TMEM63A: variants seen among roughly 807,000 people sequenced by gnomAD.
The protein encoded by TMEM63A is mechanosensitive cation channel TMEM63A.
A neutral mutation model predicts 100.6 loss-of-function variants in TMEM63A; 76 were observed. That is an observed-to-expected ratio of 0.76 (90% CI 0.63 to 0.91). TMEM63A has a LOEUF of 0.91. TMEM63A is among the 40% of genes least tolerant of loss of function. The pLI, the probability that TMEM63A is intolerant of heterozygous loss-of-function variation, is 0.00. For synonymous variants in TMEM63A, 401 were observed against 401.1 expected, an observed-to-expected ratio of 1.00 and a Z score of 0.00; for missense variants, 876 against 1,008.8, an observed-to-expected ratio of 0.87 and a Z score of 1.78.
In TMEM63A at chr1:225,846,238, G is replaced by C. The variant is rs1258719230; in HGVS notation, c.*701C>G. The C allele has an allele frequency of 6.5e-6, 1 of 152,826 alleles. No homozygotes were observed. Among genetic ancestry groups the C allele is most frequent in the Admixed American group, 6.5e-5 (1 of 15,306 alleles). 9.5% of individuals were successfully genotyped at this position (152,826 alleles called of 1,614,324 possible). A position where few individuals can be genotyped will look rare whatever the true frequency, so the allele number is the denominator to read the frequency against. On this transcript the variant is annotated 3_prime_UTR_variant, in exon 25 of 25. Transcript: ENST00000366835. ...ACGGAGGGGGTGAGTACTGCACAGA[G>C]CCTGCCTGGAGGTGCAGACTCATGC... is the stretch of plus-strand genomic sequence containing the variant.
rs1417910975 is a variant in TMEM63A at position 225,867,160 on chromosome 1, TTGTC to T, written c.515-1_517del. On this transcript the variant is annotated splice_acceptor_variant and coding_sequence_variant, in exon 8 of 25. Coordinates refer to ENST00000366835, the MANE Select transcript of TMEM63A (RefSeq NM_014698.3). LOFTEE classifies it high-confidence loss of function. The surrounding 1 kb of genome is among the most constrained non-coding windows in gnomAD (Gnocchi z 4.6). Reference sequence around the variant, plus strand: ...TGTCCTCCCAAAACTATACGGGTCTTTGTCTGCAGAGAAGCACAGATACTTAGTT... The same window carrying T: ...TGTCCTCCCAAAACTATACGGGTCTTTGCAGAGAAGCACAGATACTTAGTT... 1 of 1,614,124 alleles carries T rather than the reference TTGTC, an allele frequency of 6.2e-7. No individual in the cohort carries two copies. The highest frequency in any genetic ancestry group is 8.5e-7 in the Non-Finnish European group (1 of 1,180,000).
chr1:225,852,457 G>C (rs978595727), intron 20 of TMEM63A, among the ~76,000 whole-genome samples: 1 of 152,192 alleles, frequency 6.6e-6, no homozygotes, highest in Non-Finnish European at 1.5e-5. Flanking sequence ...CTCCAGCCTG[G>C]GCATCAGCAT....
At chr1:225,856,581 T>A (rs992225425) in intron 17 of TMEM63A, 71 bp downstream of exon 17, 3 of 1,518,330 alleles carry the variant, frequency 2.0e-6, no homozygotes, top group Admixed American at 1.9e-5. Context: ...ACCGTTTGCA[T>A]TCTCCTGGGG....
intron 14 of TMEM63A, chr1:225,859,892 C>G (rs1458453186): frequency 1.3e-5 from 2 of 159,412 alleles, no homozygotes; most frequent in African/African-American, 4.8e-5. Flanking sequence ...GGCAATCCGC[C>G]TGCCTCAGCC....
Position 225,865,838 on chromosome 1 carries a change from G to C in TMEM63A, c.746+59C>G. The C allele has an allele frequency of 1.9e-6, 3 of 1,575,672 alleles. No individual in the cohort carries two copies. The highest frequency in any genetic ancestry group is 2.0e-4 in the Middle Eastern group (1 of 5,100). ...CACCTAAGGTGCTCGCCCTGCGGGTGGGGCTGTGTTGGTCCTACGTGGAGG... is the reference window on the plus strand; with the variant it reads ...CACCTAAGGTGCTCGCCCTGCGGGTCGGGCTGTGTTGGTCCTACGTGGAGG... On this transcript the variant is annotated intron_variant, in intron 10 of 24. Transcript: ENST00000366835. The surrounding 1 kb of genome is among the most constrained non-coding windows in gnomAD (Gnocchi z 4.6).
chr1:225,876,904 C>G (rs1471487785), intron 3 of TMEM63A, among the ~76,000 whole-genome samples: 1 of 152,176 alleles, frequency 6.6e-6, no homozygotes, highest in African/African-American at 2.4e-5. Context: ...TCGCCTCAGC[C>G]TCCCAAAGTG....
rs753018849 is a variant in TMEM63A, at chr1:225,850,043, C to G, written c.1940G>C (p.Arg647Pro). The G allele has an allele frequency of 3.7e-6, 6 of 1,614,174 alleles. No homozygotes were observed. The South Asian group carries it at 4.4e-5, about 12-fold the overall frequency. The change falls in exon 21 of 25, where the codon CGG (arginine) becomes CCG (proline). Residue 647 changes from arginine (R) to proline (P), a missense_variant. Transcript: ENST00000366835. ...GAGGTAGACGAAGTAGAGGTTGTGC[C>G]GGTCCACCATGTGCTTGAGCAGGAT... ...IYILLKHMVD[R>P]HNLYFVYLPA...
intron 3 of TMEM63A, among the ~76,000 whole-genome samples, chr1:225,876,202 C>G (rs1053766422): frequency 6.6e-6 from 1 of 151,540 alleles, no homozygotes; most frequent in African/African-American, 2.4e-5. Context: ...AGGTCCCCCT[C>G]TCTGTACTCC....
Position 225,859,223 on chromosome 1 carries a change from A to C in TMEM63A, c.1350T>G (p.Asn450Lys). 6.2e-7 allele frequency: 1 copy of C among 1,614,136 alleles called. No individual in the cohort carries two copies. The highest frequency in any genetic ancestry group is 1.3e-5 in the African/African-American group (1 of 75,020). Reference protein sequence around the residue: ...SIILSTMDKFNVTKPIHALNN... With the variant: ...SIILSTMDKFKVTKPIHALNN... ...TCAGCGCATGGATGGGTTTGGTGAC[A>C]TTAAACTTGTCCATGGTGGACAGGA... Residue 450 changes from asparagine (N) to lysine (K), a missense_variant, in exon 15 of 25, where the codon AAT (asparagine) becomes AAG (lysine). Physicochemically the swap from Asn to Lys is moderately conservative, Grantham distance 94. Transcript: ENST00000366835.
chr1:225,845,184 C>T (rs1668850553), downstream of TMEM63A: 3 of 1,614,166 alleles, frequency 1.9e-6, no homozygotes, highest in Non-Finnish European at 2.5e-6. Context: ...TCTGCCTTCC[C>T]TTTTGAGCTA....
At position 225,862,662 on chromosome 1, in the gene TMEM63A, C is replaced by T. The variant is rs75591734; in HGVS notation, c.828-84G>A. 3.4e-3 allele frequency: 5,461 copies of T among 1,602,182 alleles called. 223 individuals are homozygous for T. The East Asian group carries it at 0.091, about 27-fold the overall frequency. On this transcript the variant is annotated intron_variant, in intron 11 of 24. Coordinates refer to ENST00000366835, the MANE Select transcript of TMEM63A (RefSeq NM_014698.3). The surrounding 1 kb of genome is among the most constrained non-coding windows in gnomAD (Gnocchi z 5.1). ...CCATACCCACAGTTCAACCATCGAA[C>T]GCCAGGGGAGAAGGAGGGGTCCAGG...
downstream of TMEM63A, chr1:225,845,517 G>A (rs1015483688): frequency 1.8e-5 from 12 of 653,474 alleles, no homozygotes; most frequent in South Asian, 9.4e-5. Context: ...CCCCAACTCC[G>A]TGTGGTAAGC....
At chr1:225,845,356 TCTCCCCCCGCCTGCCAC>T (rs1278852835), downstream of TMEM63A, 14 of 1,445,912 alleles carry the variant, frequency 9.7e-6, no homozygotes, top group Admixed American at 1.6e-4. Context: ...GACCCACCCC[TCTCCCCCCGCCTGCCAC>T]CTCCCCCCAC....
chr1:225,845,315 C>T (rs755422095), downstream of TMEM63A: 16 of 1,611,968 alleles, frequency 9.9e-6, no homozygotes, highest in African/African-American at 8.0e-5. Context: ...CCAGGACATC[C>T]GCAAGTTCCT....
chr1:225,869,610 T>C (rs1670390314), intron 6 of TMEM63A, among the ~76,000 whole-genome samples: 1 of 151,834 alleles, frequency 6.6e-6, no homozygotes, highest in Non-Finnish European at 1.5e-5. Flanking sequence ...TATTTCATTA[T>C]ATAACCACCA....
In TMEM63A at chr1:225,862,316, G is replaced by C. The variant is rs369172814; in HGVS notation, c.987C>G (p.Asp329Glu). 1.5e-5 allele frequency: 25 copies of C among 1,614,086 alleles called. No homozygotes were observed. In the East Asian group the frequency reaches 5.3e-4, roughly 35 times the overall value. Residue 329 changes from aspartate (D) to glutamate (E), a missense_variant, in exon 13 of 25, where the codon GAC becomes GAG. Physicochemically the swap from Asp to Glu is conservative, Grantham distance 45 (BLOSUM62 2). Transcript: ENST00000366835. This position sits in a 1 kb window ranked among gnomAD's most constrained non-coding sequence, Gnocchi z 5.1. ...CCTCTGTGATCCTCTCCAGCAGCCT[G>C]TCCTTCATCCGTGTGTAGTAAGAGA... ...DAISYYTRMKDRLLERITEEE... is the reference protein window; with the variant it reads ...DAISYYTRMKERLLERITEEE...
chr1:225,879,612 G>A (rs1303505245), intron 1 of TMEM63A, among the ~76,000 whole-genome samples: 1 of 152,116 alleles, frequency 6.6e-6, no homozygotes, highest in African/African-American at 2.4e-5. Flanking sequence ...TCCTCTGTGC[G>A]ACCCTACTCC....
intron 18 of TMEM63A, among the ~76,000 whole-genome samples, chr1:225,854,807 C>A (rs1164856270): frequency 6.6e-6 from 1 of 152,120 alleles, no homozygotes; most frequent in Middle Eastern, 3.2e-3. Flanking sequence ...AGTGTGGACC[C>A]AGAACTGGGG....
At chr1:225,863,098 G>A in intron 10 of TMEM63A, 1 of 503,618 alleles carries the variant, frequency 2.0e-6, no homozygotes, top group South Asian at 2.1e-5. Context: ...CTGTCACCCA[G>A]GCTGCTGTAC....
Sources: gnomAD v4.1 joint callset for allele counts (sites outside exome capture counted in the v4.1 genomes callset) on GRCh38, gnomAD v4.1.1 for gene constraint, Gnocchi (gnomAD v3.1) non-coding constraint, MANE v1.5 for transcripts, NCBI Gene and HGNC (gene_info 2026-07-23, HGNC 2026-07-21) for gene names.